TYW1: variants seen among roughly 807,000 people sequenced by gnomAD.
TYW1 encodes tRNA-yW synthesizing protein 1 homolog, also known as S-adenosyl-L-methionine-dependent tRNA 4-demethylwyosine synthase TYW1.
In TYW1, 46 loss-of-function variants were observed where a neutral mutation model predicts 96.2. The ratio of observed to expected loss-of-function variants is 0.48; its 90% CI spans 0.38 to 0.61. The LOEUF (loss-of-function observed/expected upper bound fraction) is 0.61. Ranked by LOEUF, TYW1 falls within the 20% of genes least tolerant of loss-of-function variation. The probability of loss-of-function intolerance (pLI) is 0.00; values close to 1 mark genes in which losing one functional copy is unlikely to be tolerated. For synonymous variants in TYW1, 274 were observed against 323.0 expected, an observed-to-expected ratio of 0.85 and a Z score of 1.63; for missense variants, 684 against 909.6, an observed-to-expected ratio of 0.75 and a Z score of 3.19.
intron 7 of TYW1, among the ~76,000 whole-genome samples, chr7:67,045,018 G>A (rs1158170642): frequency 6.6e-6 from 1 of 152,140 alleles, no homozygotes; most frequent in Non-Finnish European, 1.5e-5. Context: ...AGAAATGTAT[G>A]TTTTGGTAAG....
intron 15 of TYW1, among the ~76,000 whole-genome samples, chr7:67,210,070 T>C (rs925973281): frequency 6.6e-6 from 1 of 152,206 alleles, no homozygotes; most frequent in Admixed American, 6.5e-5. Flanking sequence ...TATTTAGATT[T>C]CCTTAGGTTT....
At chr7:67,041,688 A>C (rs1795028370) in intron 7 of TYW1, among the ~76,000 whole-genome samples, 1 of 152,176 alleles carries the variant, frequency 6.6e-6, no homozygotes. Context: ...AAATTGCCTT[A>C]GTTGTTACTG....
chr7:67,118,340 A>G (rs1797659453), intron 13 of TYW1, among the ~76,000 whole-genome samples: 1 of 152,048 alleles, frequency 6.6e-6, no homozygotes, highest in African/African-American at 2.4e-5. Flanking sequence ...AAATAAATAA[A>G]TAAATAATAA....
chr7:67,160,763 T>C (rs1347852254), intron 13 of TYW1, among the ~76,000 whole-genome samples: 1 of 151,474 alleles, frequency 6.6e-6, no homozygotes, highest in African/African-American at 2.4e-5. Context: ...AGCTAATTTT[T>C]GTACTTTTAG....
intron 7 of TYW1, among the ~76,000 whole-genome samples, chr7:67,036,226 G>T (rs1195658829): frequency 1.3e-5 from 2 of 150,446 alleles, no homozygotes; most frequent in African/African-American, 4.8e-5. Flanking sequence ...GGTTTCTTCG[G>T]AATCCTATTA....
chr7:67,105,886 CTTTT>C (rs11330425), intron 12 of TYW1, among the ~76,000 whole-genome samples: 12 of 61,398 alleles, frequency 2.0e-4, no homozygotes, highest in South Asian at 6.3e-4. Flanking sequence ...AGAGAATATT[CTTTT>C]TTTTTTTTTT....
intron 14 of TYW1, among the ~76,000 whole-genome samples, chr7:67,191,356 C>T (rs1328189371): frequency 6.6e-6 from 1 of 152,188 alleles, no homozygotes; most frequent in Admixed American, 6.5e-5. Flanking sequence ...CTTTTCACTG[C>T]AAACTCAAGG....
chr7:67,052,316 C>T (rs1208173623), intron 8 of TYW1, among the ~76,000 whole-genome samples: 2 of 152,130 alleles, frequency 1.3e-5, no homozygotes, highest in Non-Finnish European at 2.9e-5. Flanking sequence ...TGACCCACAA[C>T]TCACTCATGT....
chr7:67,094,423 C>T (rs1796823082), intron 11 of TYW1, among the ~76,000 whole-genome samples: 1 of 151,980 alleles, frequency 6.6e-6, no homozygotes, highest in African/African-American at 2.4e-5. Context: ...TGAGAAATCT[C>T]TCTATAGAGG....
rs67162571 is a variant in TYW1, at chr7:67,029,382, CGTGTGTGTGT to C, written c.984+4385_984+4394del. Among the ~76,000 whole-genome samples, 65 of 106,670 alleles carry C rather than the reference CGTGTGTGTGT, an allele frequency of 6.1e-4. 1 individual carries two copies. Among genetic ancestry groups the C allele is most frequent in the Middle Eastern group, 5.3e-3 (1 of 188 alleles). 70.0% of individuals were successfully genotyped at this position (106,670 alleles called of 152,430 possible). A position where few individuals can be genotyped will look rare whatever the true frequency, so the allele number is the denominator to read the frequency against. On this transcript the variant is annotated intron_variant, in intron 7 of 15. Transcript: ENST00000359626. ...AAACTTAGTTAAATATGTGTGTGTG[CGTGTGTGTGT>C]GTGTGTGTGTGTGTGTGTGTGTGTA...
At chr7:67,016,591 G>T (rs1794033091) in intron 5 of TYW1, among the ~76,000 whole-genome samples, 1 of 152,136 alleles carries the variant, frequency 6.6e-6, no homozygotes, top group Non-Finnish European at 1.5e-5. Context: ...TCATTCTATT[G>T]TTGTGTCACA....
intron 13 of TYW1, among the ~76,000 whole-genome samples, chr7:67,161,070 CTG>C (rs1563048650): frequency 1.3e-5 from 2 of 152,152 alleles, no homozygotes; most frequent in Non-Finnish European, 2.9e-5. Context: ...GAGCTTTCTA[CTG>C]TGTTATATTG....
intron 7 of TYW1, among the ~76,000 whole-genome samples, chr7:67,049,559 T>G (rs1795295309): frequency 6.6e-6 from 1 of 152,096 alleles, no homozygotes; most frequent in Non-Finnish European, 1.5e-5. Context: ...TAATTATTTA[T>G]TTTTTGAGAT....
intron 13 of TYW1, among the ~76,000 whole-genome samples, chr7:67,142,697 G>A (rs1199062630): frequency 2.0e-5 from 3 of 152,138 alleles, no homozygotes; most frequent in Non-Finnish European, 2.9e-5. Flanking sequence ...CTCCCAAAGT[G>A]CTGGGATTAC....
At chr7:67,008,911 A>G (rs1439020384) in intron 3 of TYW1, among the ~76,000 whole-genome samples, 4 of 152,112 alleles carry the variant, frequency 2.6e-5, no homozygotes, top group African/African-American at 9.7e-5. Flanking sequence ...ATCCAACTGC[A>G]TCGGCCTCCC....
intron 10 of TYW1, among the ~76,000 whole-genome samples, chr7:67,072,934 GTTTTT>G (rs529812538): frequency 7.0e-5 from 5 of 71,218 alleles, no homozygotes; most frequent in African/African-American, 2.0e-4. Flanking sequence ...TGCCTATCCA[GTTTTT>G]TTTTTTTTTT....
intron 15 of TYW1, among the ~76,000 whole-genome samples, chr7:67,215,341 T>C (rs1801168126): frequency 6.6e-6 from 1 of 152,142 alleles, no homozygotes; most frequent in Admixed American, 6.5e-5. Context: ...CTAGGTTAAC[T>C]CTTAACAGCC....
intron 10 of TYW1, among the ~76,000 whole-genome samples, chr7:67,080,544 T>G (rs1392399069): frequency 6.6e-6 from 1 of 152,040 alleles, no homozygotes; most frequent in Non-Finnish European, 1.5e-5. Context: ...TAGCTGGGAT[T>G]GCCCACCACC....
At chr7:67,029,434 A>ATATATATATATATATATACATATATATAT (rs1251271240) in intron 7 of TYW1, among the ~76,000 whole-genome samples, 1 of 60,410 alleles carries the variant, frequency 1.7e-5, no homozygotes, top group Non-Finnish European at 3.4e-5. Context: ...TATATATATA[A>ATATATATATATATATATACATATATATAT]ATAGTATTTT....
Sources: allele counts gnomAD v4.1 joint callset (sites outside exome capture counted in the v4.1 genomes callset), GRCh38; gene constraint gnomAD v4.1.1; transcripts MANE v1.5; gene names NCBI Gene and HGNC (gene_info 2026-07-23, HGNC 2026-07-21).